Variants in LIPC observed in about 807,000 individuals in gnomAD.
LIPC encodes lipase C, hepatic type, also known as hepatic triacylglycerol lipase.
LIPC carries 44 observed loss-of-function variants against 50.7 expected under a neutral mutation model. That is an observed-to-expected ratio of 0.87 (90% CI 0.68 to 1.11). The LOEUF (loss-of-function observed/expected upper bound fraction) is 1.11. Among genes scored for constraint, LIPC ranks in the 50% most tolerant of loss-of-function variants. The probability of loss-of-function intolerance (pLI) is 0.00; values close to 1 mark genes in which losing one functional copy is unlikely to be tolerated. For synonymous variants in LIPC, 271 were observed against 256.4 expected (o/e 1.06, Z -0.54); for missense variants, 697 against 648.2 (o/e 1.08, Z -0.82).
intron 1 of LIPC, among the ~76,000 whole-genome samples, chr15:58,464,766 G>C (rs1201992121): frequency 1.3e-5 from 2 of 152,162 alleles, no homozygotes; most frequent in African/African-American, 4.8e-5. Flanking sequence ...TGAGGTCAGG[G>C]GTTCAAAACT....
At chr15:58,432,809 G>A (rs1893170465) in intron 1 of LIPC, among the ~76,000 whole-genome samples, 1 of 152,308 alleles carries the variant, frequency 6.6e-6, no homozygotes, top group African/African-American at 2.4e-5. Context: ...TGAACAATTT[G>A]GCCAGACTAG....
chr15:58,557,372 A>G (rs1180159500), intron 6 of LIPC, among the ~76,000 whole-genome samples: 2 of 124,324 alleles, frequency 1.6e-5, no homozygotes, highest in African/African-American at 6.2e-5. Context: ...TACTGCCATT[A>G]TATGCTCTTT....
rs1395827196 is a variant in LIPC, at chr15:58,557,572, GA to G, written c.1052-3290del. The stretch of plus-strand genomic sequence containing the variant: ...GCTAATTTTTTGTATTTTTAGTAGA[GA>G]ACGGGGTTTCACCGTGTTAGCCAGG... On this transcript the variant is annotated intron_variant, in intron 6 of 8. Coordinates refer to ENST00000299022, the MANE Select transcript of LIPC (RefSeq NM_000236.3). Among the ~76,000 whole-genome samples, 28 of 151,766 alleles carry G rather than the reference GA, an allele frequency of 1.8e-4. No individual in the cohort carries two copies. In the East Asian group the frequency reaches 4.1e-3, roughly 22 times the overall value.
chr15:58,492,429 C>T (rs1291539317), intron 1 of LIPC, among the ~76,000 whole-genome samples: 1 of 152,194 alleles, frequency 6.6e-6, no homozygotes, highest in Non-Finnish European at 1.5e-5. Flanking sequence ...CTTTATTCTA[C>T]TATGTGGCAA....
At chr15:58,483,139 CA>C (rs1891249156) in intron 1 of LIPC, among the ~76,000 whole-genome samples, 1 of 152,090 alleles carries the variant, frequency 6.6e-6, no homozygotes. Flanking sequence ...TTAAATTCTT[CA>C]AAAAGGGAGT....
intron 1 of LIPC, among the ~76,000 whole-genome samples, chr15:58,526,266 A>G (rs1370070776): frequency 1.3e-5 from 2 of 152,230 alleles, no homozygotes; most frequent in Non-Finnish European, 2.9e-5. Context: ...GGAGGCTGTG[A>G]GGATGAGTGT....
intron 1 of LIPC, among the ~76,000 whole-genome samples, chr15:58,462,743 A>G (rs79787170): frequency 0.02 from 3,034 of 152,220 alleles, 40 homozygotes; most frequent in Non-Finnish European, 0.027. Context: ...GCCCTGACTC[A>G]GAGGCCACTC....
At chr15:58,465,585 G>C (rs1305869394) in intron 1 of LIPC, among the ~76,000 whole-genome samples, 1 of 151,728 alleles carries the variant, frequency 6.6e-6, no homozygotes. Flanking sequence ...GTAGATTACG[G>C]GTCAGAACCG....
chr15:58,521,211 T>A (rs1892642095), intron 1 of LIPC: 2 of 152,220 alleles, frequency 1.3e-5, no homozygotes, highest in South Asian at 4.1e-4. Flanking sequence ...GTGACAAATC[T>A]TTCCCTAGGA....
At chr15:58,466,392 T>C (rs1221018992) in intron 1 of LIPC, among the ~76,000 whole-genome samples, 3 of 152,250 alleles carry the variant, frequency 2.0e-5, no homozygotes, top group African/African-American at 7.2e-5. Flanking sequence ...CCATCTGGTA[T>C]ACAAAACATT....
intron 1 of LIPC, among the ~76,000 whole-genome samples, chr15:58,434,292 C>T (rs1056978367): frequency 6.6e-6 from 1 of 152,144 alleles, no homozygotes; most frequent in South Asian, 2.1e-4. Flanking sequence ...CCTCAAGGAC[C>T]CTTCCTCTTT....
chr15:58,462,458 G>A (rs1418897698), intron 1 of LIPC, among the ~76,000 whole-genome samples: 3 of 152,094 alleles, frequency 2.0e-5, no homozygotes, highest in East Asian at 1.9e-4. Context: ...TGAAGAGTTG[G>A]TACCACTGGT....
intron 4 of LIPC, among the ~76,000 whole-genome samples, 159 bp downstream of exon 4, chr15:58,542,810 A>G (rs1893381486): frequency 6.6e-6 from 1 of 152,186 alleles, no homozygotes; most frequent in East Asian, 1.9e-4. Flanking sequence ...AACATGACCA[A>G]TGTCATGGAT....
intron 1 of LIPC, among the ~76,000 whole-genome samples, chr15:58,478,669 A>C (rs1211317124): frequency 6.6e-6 from 1 of 152,192 alleles, no homozygotes; most frequent in African/African-American, 2.4e-5. Flanking sequence ...TATAGTTGAT[A>C]AGTATCAGAG....
chr15:58,497,806 G>A (rs947647174), intron 1 of LIPC: 2 of 152,146 alleles, frequency 1.3e-5, no homozygotes, highest in African/African-American at 4.8e-5. Context: ...CCACCTTCAG[G>A]GTCCTCCCTT....
intron 8 of LIPC, among the ~76,000 whole-genome samples, chr15:58,567,345 GTATATATATATATGTATATGTATA>G (rs1566955240): frequency 5.3e-5 from 1 of 18,826 alleles, no homozygotes; most frequent in African/African-American, 1.9e-4. Flanking sequence ...ATATGTATAT[GTATATATATATATGTATATGTATA>G]TATATATATA....
intron 1 of LIPC, among the ~76,000 whole-genome samples, chr15:58,483,379 C>T (rs1194106207): frequency 6.6e-6 from 1 of 152,094 alleles, no homozygotes; most frequent in Non-Finnish European, 1.5e-5. Flanking sequence ...GGGCTCAGAT[C>T]GGATATTTGG....
At chr15:58,526,841 TC>T (rs770460047) in intron 1 of LIPC, among the ~76,000 whole-genome samples, 86 of 152,318 alleles carry the variant, frequency 5.6e-4, no homozygotes, top group Non-Finnish European at 1.1e-3. Context: ...AAGACGGTCT[TC>T]CTATTTCCAA....
chr15:58,518,000 G>C (rs1278054906), intron 1 of LIPC, among the ~76,000 whole-genome samples: 1 of 152,208 alleles, frequency 6.6e-6, no homozygotes, highest in Non-Finnish European at 1.5e-5. Flanking sequence ...CGCTGTGTCT[G>C]CTCTCTTACT....
Sources: allele counts gnomAD v4.1 joint callset (sites outside exome capture counted in the v4.1 genomes callset), GRCh38; gene constraint gnomAD v4.1.1; transcripts MANE v1.5; gene names NCBI Gene and HGNC (gene_info 2026-07-23, HGNC 2026-07-21).